EYS: variants seen among roughly 807,000 people sequenced by gnomAD.
EYS encodes the protein protein eyes shut homolog.
Under a neutral mutation model 282.1 loss-of-function variants are expected in EYS, and 250 were observed. That is an observed-to-expected ratio of 0.89 (90% CI 0.80 to 0.98). The LOEUF is 0.98. EYS is among the 50% of genes least tolerant of loss of function. The pLI, the probability that EYS is intolerant of heterozygous loss-of-function variation, is 0.00. For missense variants in EYS, 4,016 were observed against 3,709.0 expected, an observed-to-expected ratio of 1.08 and a Z score of -2.15; for synonymous variants, 1,355 against 1,282.9, an observed-to-expected ratio of 1.06 and a Z score of -1.20.
intron 30 of EYS, among the ~76,000 whole-genome samples, chr6:64,296,598 A>ATATAT (rs1561913902): frequency 9.9e-5 from 2 of 20,124 alleles, no homozygotes; most frequent in African/African-American, 1.6e-4. Flanking sequence ...ATATATATAT[A>ATATAT]TTTTTTTTTT....
intron 22 of EYS, among the ~76,000 whole-genome samples, chr6:64,635,138 G>T (rs957344008): frequency 6.6e-6 from 1 of 152,152 alleles, no homozygotes; most frequent in Non-Finnish European, 1.5e-5. Context: ...TGTTACTGGT[G>T]TATAAGAATG....
At chr6:65,322,495 G>A (rs1461918351) in intron 11 of EYS, among the ~76,000 whole-genome samples, 2 of 151,990 alleles carry the variant, frequency 1.3e-5, no homozygotes, top group East Asian at 1.9e-4. Flanking sequence ...CGACCAGCAG[G>A]GTGTAAGAAG....
intron 13 of EYS, among the ~76,000 whole-genome samples, chr6:65,029,080 C>T (rs77382880): frequency 0.036 from 5,496 of 152,094 alleles, 334 homozygotes; most frequent in African/African-American, 0.12. Flanking sequence ...TAGAGCTGTC[C>T]CCTGTGTCCT....
At chr6:65,388,784 T>A (rs1366957007) in intron 7 of EYS, among the ~76,000 whole-genome samples, 1 of 152,120 alleles carries the variant, frequency 6.6e-6, no homozygotes, top group Non-Finnish European at 1.5e-5. Context: ...TATATTCTTT[T>A]TTGTGGATAA....
intron 10 of EYS, among the ~76,000 whole-genome samples, chr6:65,341,697 G>A (rs1770205262): frequency 6.6e-6 from 1 of 151,078 alleles, no homozygotes; most frequent in African/African-American, 2.4e-5. Flanking sequence ...TTGTTCTTAT[G>A]TGTTTGAAAA....
intron 36 of EYS, among the ~76,000 whole-genome samples, chr6:63,808,130 A>G (rs1284200345): frequency 6.6e-6 from 1 of 152,190 alleles, no homozygotes; most frequent in Admixed American, 6.5e-5. Flanking sequence ...ATAAAAAAGC[A>G]CTAGTCACTC....
At chr6:64,170,078 C>T (rs1448016583) in intron 31 of EYS, among the ~76,000 whole-genome samples, 8 of 152,026 alleles carry the variant, frequency 5.3e-5, no homozygotes, top group Non-Finnish European at 1.0e-4. Flanking sequence ...GGCTGCAATG[C>T]GAACAGCTGG....
chr6:64,739,772 A>G (rs1159245973), intron 22 of EYS, among the ~76,000 whole-genome samples: 1 of 152,146 alleles, frequency 6.6e-6, no homozygotes, highest in Non-Finnish European at 1.5e-5. Flanking sequence ...AAATTCTCAG[A>G]AATTCTAAAA....
At chr6:65,099,546 T>C (rs1227309831) in intron 12 of EYS, among the ~76,000 whole-genome samples, 1 of 150,536 alleles carries the variant, frequency 6.6e-6, no homozygotes, top group Non-Finnish European at 1.5e-5. Context: ...AATGGCACAG[T>C]ATTGGGGTTA....
chr6:65,473,568 A>G (rs1765294400), intron 5 of EYS, among the ~76,000 whole-genome samples: 1 of 151,998 alleles, frequency 6.6e-6, no homozygotes. Flanking sequence ...GAGAAAACCA[A>G]TAATTAATAA....
chr6:64,532,466 T>C (rs566778212), intron 26 of EYS, among the ~76,000 whole-genome samples: 1 of 152,054 alleles, frequency 6.6e-6, no homozygotes. Flanking sequence ...TCCCAGCACT[T>C]TGGGAGGCGG....
intron 2 of EYS, among the ~76,000 whole-genome samples, chr6:65,620,064 C>T (rs1278917397): frequency 1.3e-5 from 2 of 152,120 alleles, no homozygotes; most frequent in Admixed American, 1.3e-4. Flanking sequence ...TGATGCTGGC[C>T]TCATAAAATG....
intron 13 of EYS, among the ~76,000 whole-genome samples, chr6:65,033,755 T>TG (rs1389817824): frequency 2.6e-5 from 4 of 152,092 alleles, no homozygotes; most frequent in Admixed American, 2.6e-4. Flanking sequence ...ACTAGGGCAG[T>TG]GCTGAGGGAA....
At chr6:65,483,337 A>G (rs1270808479) in intron 5 of EYS, among the ~76,000 whole-genome samples, 1 of 152,162 alleles carries the variant, frequency 6.6e-6, no homozygotes, top group Non-Finnish European at 1.5e-5. Context: ...GTAAATTTGC[A>G]TTAAATGTCA....
chr6:65,656,238 C>A (rs1767819458), intron 1 of EYS, among the ~76,000 whole-genome samples: 2 of 151,848 alleles, frequency 1.3e-5, no homozygotes, highest in African/African-American at 4.8e-5. Flanking sequence ...AGAAACTCTA[C>A]AATAGCCTTT....
At chr6:64,436,865 T>G (rs1774769527) in intron 27 of EYS, among the ~76,000 whole-genome samples, 1 of 151,832 alleles carries the variant, frequency 6.6e-6, no homozygotes, top group Non-Finnish European at 1.5e-5. Context: ...CTTATTAAGC[T>G]TCTTAGCAAG....
intron 13 of EYS, among the ~76,000 whole-genome samples, chr6:65,009,117 C>T (rs1266656112): frequency 6.6e-6 from 1 of 152,034 alleles, no homozygotes; most frequent in African/African-American, 2.4e-5. Context: ...GGAATTAATC[C>T]TAAAGTCTAG....
At chr6:65,201,612 A>G (rs1765903448) in intron 12 of EYS, among the ~76,000 whole-genome samples, 1 of 151,696 alleles carries the variant, frequency 6.6e-6, no homozygotes, top group African/African-American at 2.4e-5. Flanking sequence ...AATTTTACAT[A>G]ATTTGTTCAT....
At chr6:64,822,384 C>T (rs963499478) in intron 20 of EYS, among the ~76,000 whole-genome samples, 2 of 151,976 alleles carry the variant, frequency 1.3e-5, no homozygotes, top group East Asian at 1.9e-4. Context: ...TGAGCAGTTA[C>T]CTTTAAGTAT....
Sources: gnomAD v4.1 joint callset for allele counts (sites outside exome capture counted in the v4.1 genomes callset) on GRCh38, gnomAD v4.1.1 for gene constraint, MANE v1.5 for transcripts, NCBI Gene and HGNC (gene_info 2026-07-23, HGNC 2026-07-21) for gene names.